Variants in CXADR observed in about 807,000 individuals in gnomAD.
CXADR encodes coxsackievirus and adenovirus receptor.
In CXADR, 20 loss-of-function variants were observed where a neutral mutation model predicts 40.3. That is an observed-to-expected ratio of 0.50 (90% confidence interval 0.35 to 0.72). The LOEUF (loss-of-function observed/expected upper bound fraction) is 0.72, where lower values mean the gene tolerates loss of function less well. Among genes scored for constraint, CXADR ranks in the 30% least tolerant of loss-of-function variants. The pLI, the probability that CXADR is intolerant of heterozygous loss-of-function variation, is 0.01. For missense variants in CXADR, 332 were observed against 449.1 expected, an observed-to-expected ratio of 0.74 and a Z score of 2.36; for synonymous variants, 150 against 161.3, an observed-to-expected ratio of 0.93 and a Z score of 0.53.
chr21:17,527,602 T>C (rs2060612713), intron 1 of CXADR, among the ~76,000 whole-genome samples: 1 of 152,140 alleles, frequency 6.6e-6, no homozygotes, highest in African/African-American at 2.4e-5. Context: ...CGTGCAGCTA[T>C]GGTACCAGGC....
At chr21:17,519,513 A>C (rs887604349) in intron 1 of CXADR, among the ~76,000 whole-genome samples, 5 of 152,168 alleles carry the variant, frequency 3.3e-5, no homozygotes, top group African/African-American at 1.2e-4. Flanking sequence ...CTCCTGCTTC[A>C]GTTGCCAAAG....
At chr21:17,536,974 T>A (rs1343977825) in intron 1 of CXADR, among the ~76,000 whole-genome samples, 1 of 152,012 alleles carries the variant, frequency 6.6e-6, no homozygotes, top group African/African-American at 2.4e-5. Context: ...GCCAGGCTGG[T>A]CTCAAACTCT....
chr21:17,575,899 C>T (rs1182770273), intron 7 of CXADR, among the ~76,000 whole-genome samples: 1 of 151,296 alleles, frequency 6.6e-6, no homozygotes, highest in Admixed American at 6.6e-5. Context: ...ACCAACCTGA[C>T]CAACATGGTG....
At chr21:17,553,163 TC>T (rs2060990882) in intron 3 of CXADR, among the ~76,000 whole-genome samples, 1 of 152,166 alleles carries the variant, frequency 6.6e-6, no homozygotes, top group Non-Finnish European at 1.5e-5. Flanking sequence ...CCTCAGGTGA[TC>T]CACCCACCTC....
chr21:17,550,065 T>C (rs2060946086), intron 2 of CXADR, among the ~76,000 whole-genome samples: 1 of 152,084 alleles, frequency 6.6e-6, no homozygotes. Flanking sequence ...CATATATAAA[T>C]AAAAGATCTA....
At chr21:17,631,898 A>G in the CXADR span, among the ~76,000 whole-genome samples, 1 of 152,100 alleles carries the variant, frequency 6.6e-6, no homozygotes, top group Non-Finnish European at 1.5e-5. Flanking sequence ...TGCACCCTCT[A>G]TCTCCTGGGC....
At chr21:17,529,100 G>A (rs148145871) in intron 1 of CXADR, among the ~76,000 whole-genome samples, 2,147 of 146,624 alleles carry the variant, frequency 0.015, 53 homozygotes, top group African/African-American at 0.05. Flanking sequence ...GTGCAGTGGC[G>A]CGATCTAGGC....
chr21:17,598,847 AC>A, the CXADR span: 2 of 1,591,746 alleles, frequency 1.3e-6, no homozygotes, highest in East Asian at 4.5e-5. Flanking sequence ...TTAAAAACTT[AC>A]AAATCTTGAA....
chr21:17,567,058 G>A lies in CXADR; in HGVS notation c.*1366G>A. On this transcript the variant is annotated 3_prime_UTR_variant, in exon 7 of 7. Transcript: ENST00000284878. ...TTTAGGAGAAGAAAGTGGGTTTATTGTATTTCCCTTAAGATTGTGAGGGAG... is the reference window on the plus strand; with the variant it reads ...TTTAGGAGAAGAAAGTGGGTTTATTATATTTCCCTTAAGATTGTGAGGGAG... The A allele has an allele frequency of 3.0e-6, 3 of 983,624 alleles. No individual in the cohort carries two copies. Among genetic ancestry groups the A allele is most frequent in the Non-Finnish European group, 2.4e-6 (2 of 828,332 alleles). 60.9% of individuals were successfully genotyped at this position (983,624 alleles called of 1,614,324 possible).
the CXADR span, among the ~76,000 whole-genome samples, chr21:17,618,861 C>T: frequency 2.6e-5 from 4 of 152,162 alleles, no homozygotes; most frequent in African/African-American, 9.7e-5. Context: ...AATAATAAGA[C>T]TTGAAATTCT....
the CXADR span, among the ~76,000 whole-genome samples, chr21:17,615,381 A>G: frequency 4.8e-4 from 73 of 152,294 alleles, no homozygotes; most frequent in African/African-American, 1.7e-3. Flanking sequence ...AGCTGATGTA[A>G]ATAATTACAG....
In CXADR at chr21:17,541,617, A is replaced by ATTT. The variant is rs35505180; in HGVS notation, c.44-5395_44-5393dup. 5.8e-5 allele frequency among the ~76,000 whole-genome samples: 8 copies of ATTT among 138,910 alleles called. No homozygotes were observed. In the East Asian group the frequency reaches 1.3e-3, roughly 22 times the overall value. The allele number at this position is 138,910 out of a possible 152,430, so 91.1% of individuals were successfully genotyped here. On this transcript the variant is annotated intron_variant, in intron 1 of 6. Transcript: ENST00000284878. ...TTCCCTCTTTCCCCTGCATCTGTTG[A>ATTT]TTTTTTTTTTTTTTTTTACTCTCTG...
intron 1 of CXADR, among the ~76,000 whole-genome samples, chr21:17,543,979 C>A (rs959802541): frequency 6.6e-6 from 1 of 152,100 alleles, no homozygotes; most frequent in African/African-American, 2.4e-5. Context: ...GCCTGGGTAA[C>A]ATAGTGAGAC....
At chr21:17,515,761 G>A (rs1264565114) in intron 1 of CXADR, among the ~76,000 whole-genome samples, 1 of 150,840 alleles carries the variant, frequency 6.6e-6, no homozygotes, top group African/African-American at 2.4e-5. Flanking sequence ...AGCCCACATC[G>A]CGCCACTGCA....
chr21:17,570,414 G>C (rs73308299), downstream of CXADR, among the ~76,000 whole-genome samples: 3 of 152,106 alleles, frequency 2.0e-5, no homozygotes, highest in Non-Finnish European at 2.9e-5. Context: ...TGCCCAATGT[G>C]TGTATATATA....
At chr21:17,603,630 G>A in the CXADR span, among the ~76,000 whole-genome samples, 27 of 152,282 alleles carry the variant, frequency 1.8e-4, no homozygotes, top group South Asian at 1.7e-3. Context: ...AGGTGGTCAG[G>A]TGAATTGTAC....
At chr21:17,602,372 C>T in the CXADR span, among the ~76,000 whole-genome samples, 2 of 152,024 alleles carry the variant, frequency 1.3e-5, no homozygotes, top group African/African-American at 4.8e-5. Flanking sequence ...TTTTTTTTTA[C>T]AATCTTAGTC....
intron 1 of CXADR, among the ~76,000 whole-genome samples, chr21:17,523,398 G>C (rs2060555629): frequency 6.6e-6 from 1 of 152,190 alleles, no homozygotes; most frequent in Non-Finnish European, 1.5e-5. Context: ...GAGGTGAGCA[G>C]GGCTGGGCTC....
chr21:17,583,362 C>T (rs1011674892), intron 7 of CXADR, among the ~76,000 whole-genome samples: 1 of 150,870 alleles, frequency 6.6e-6, no homozygotes, highest in Non-Finnish European at 1.5e-5. Flanking sequence ...TAAAGTTCTG[C>T]AAAAAACAGA....
Sources: gnomAD v4.1 joint callset for allele counts (sites outside exome capture counted in the v4.1 genomes callset) on GRCh38, gnomAD v4.1.1 for gene constraint, MANE v1.5 for transcripts, NCBI Gene and HGNC (gene_info 2026-07-23, HGNC 2026-07-21) for gene names.